The following CPNE8 variants were observed in gnomAD, a reference collection of about 807,000 sequenced individuals.
CPNE8 encodes copine-8.
Under a neutral mutation model 81.5 loss-of-function variants are expected in CPNE8, and 45 were observed. That is an observed-to-expected ratio of 0.55 (90% CI 0.44 to 0.71). The LOEUF is 0.71. Among genes scored for constraint, CPNE8 ranks in the 30% least tolerant of loss-of-function variants. The pLI is 0.00. For missense variants in CPNE8, 594 were observed against 672.1 expected (o/e 0.88, Z 1.28); for synonymous variants, 252 against 226.3 (o/e 1.11, Z -1.02).
chr12:38,881,449 T>C (rs2137122302), intron 1 of CPNE8, among the ~76,000 whole-genome samples: 1 of 152,274 alleles, frequency 6.6e-6, no homozygotes. Flanking sequence ...AAGAACTTTA[T>C]CATAAATGAC....
chr12:38,753,430 T>G (rs1223765536), intron 10 of CPNE8, among the ~76,000 whole-genome samples: 1 of 152,064 alleles, frequency 6.6e-6, no homozygotes. Context: ...CCAGCCTGGG[T>G]GACAGACAGA....
chr12:38,772,334 T>C (rs921671716), intron 7 of CPNE8, among the ~76,000 whole-genome samples: 14 of 152,162 alleles, frequency 9.2e-5, no homozygotes, highest in Non-Finnish European at 2.1e-4. Flanking sequence ...ACTAAGATAC[T>C]GTATACTATA....
rs546915958 is a variant in CPNE8, at chr12:38,680,319, A to T, written c.1272-2765T>A. On this transcript the variant is annotated intron_variant, in intron 16 of 19. Coordinates refer to ENST00000331366, the MANE Select transcript of CPNE8 (RefSeq NM_153634.3). Reference sequence around the variant, plus strand: ...GTTTTATTTAAGTAGTTCAATTATGATTTGCAAAATGGATTAAAACTTCTT... The same window carrying T: ...GTTTTATTTAAGTAGTTCAATTATGTTTTGCAAAATGGATTAAAACTTCTT... Among the ~76,000 whole-genome samples, 13 of 152,144 alleles carry T rather than the reference A, an allele frequency of 8.5e-5. 1 individual carries two copies. The South Asian group carries it at 2.5e-3, about 29-fold the overall frequency.
intron 4 of CPNE8, among the ~76,000 whole-genome samples, chr12:38,845,709 CTG>C (rs1032191921): frequency 2.6e-5 from 4 of 151,778 alleles, no homozygotes; most frequent in Non-Finnish European, 4.4e-5. Context: ...AATAATAAGC[CTG>C]TTCTTTCAGG....
chr12:38,866,600 A>G (rs1340609359), intron 3 of CPNE8, among the ~76,000 whole-genome samples: 8 of 152,202 alleles, frequency 5.3e-5, no homozygotes, highest in Admixed American at 4.6e-4. Context: ...CATGTTTTCA[A>G]TTGATGCTAT....
chr12:38,898,838 G>A (rs1009199267), intron 1 of CPNE8, among the ~76,000 whole-genome samples: 3 of 152,138 alleles, frequency 2.0e-5, no homozygotes, highest in African/African-American at 4.8e-5. Context: ...CTTTGCTTTC[G>A]CAGATGGTCA....
intron 8 of CPNE8, 64 bp from the exon 9 acceptor site, chr12:38,762,280 G>GTAGC (rs1314433810): frequency 1.2e-6 from 1 of 864,796 alleles, no homozygotes; most frequent in Admixed American, 2.4e-5. Context: ...TATTGTTTTA[G>GTAGC]TAGCCATTCC....
intron 3 of CPNE8, among the ~76,000 whole-genome samples, chr12:38,855,137 T>G (rs768406517): frequency 6.6e-6 from 1 of 151,684 alleles, no homozygotes; most frequent in Admixed American, 6.6e-5. Context: ...GAAAATCCCA[T>G]TCACAATAAC....
chr12:38,895,201 T>C (rs1944373259), intron 1 of CPNE8, among the ~76,000 whole-genome samples: 1 of 152,090 alleles, frequency 6.6e-6, no homozygotes, highest in Non-Finnish European at 1.5e-5. Context: ...GATATTAATA[T>C]CGAAGTAGTT....
intron 19 of CPNE8, among the ~76,000 whole-genome samples, chr12:38,656,734 G>GT (rs1311001444): frequency 6.6e-6 from 1 of 151,910 alleles, no homozygotes; most frequent in Non-Finnish European, 1.5e-5. Flanking sequence ...TTCTCAAACT[G>GT]TTTTTTAAAA....
chr12:38,659,799 T>C (rs1477175668), intron 19 of CPNE8, among the ~76,000 whole-genome samples: 1 of 152,066 alleles, frequency 6.6e-6, no homozygotes, highest in Non-Finnish European at 1.5e-5. Flanking sequence ...TGTGCAAAAA[T>C]CACAAGCATT....
intron 18 of CPNE8, chr12:38,671,018 T>C (rs1939162664): frequency 2.1e-6 from 1 of 478,712 alleles, no homozygotes; most frequent in Non-Finnish European, 3.7e-6. Context: ...CTTTTGTGAC[T>C]CTTTGAAAGG....
intron 6 of CPNE8, among the ~76,000 whole-genome samples, chr12:38,779,520 G>A (rs1454073945): frequency 6.6e-6 from 1 of 152,134 alleles, no homozygotes; most frequent in Non-Finnish European, 1.5e-5. Flanking sequence ...AGAAAAAAAT[G>A]TATCCTAATA....
At chr12:38,766,040 A>C (rs1941680280) in intron 8 of CPNE8, among the ~76,000 whole-genome samples, 1 of 152,032 alleles carries the variant, frequency 6.6e-6, no homozygotes, top group Non-Finnish European at 1.5e-5. Context: ...TTGTATTTTT[A>C]GTAGAGACAG....
intron 5 of CPNE8, among the ~76,000 whole-genome samples, chr12:38,832,212 G>C (rs568405903): frequency 6.6e-6 from 1 of 152,288 alleles, no homozygotes; most frequent in African/African-American, 2.4e-5. Flanking sequence ...AAAAACACCT[G>C]AGTGCTAGGT....
intron 10 of CPNE8, among the ~76,000 whole-genome samples, chr12:38,738,516 G>A (rs541397273): frequency 6.6e-6 from 1 of 151,956 alleles, no homozygotes; most frequent in Non-Finnish European, 1.5e-5. Flanking sequence ...TATAGATAAG[G>A]GATTGTTAGT....
intron 8 of CPNE8, among the ~76,000 whole-genome samples, chr12:38,766,741 G>A (rs1941697767): frequency 6.6e-6 from 1 of 150,860 alleles, no homozygotes; most frequent in Non-Finnish European, 1.5e-5. Context: ...GTTCTCTTTA[G>A]CTGATATATT....
intron 15 of CPNE8, among the ~76,000 whole-genome samples, chr12:38,688,665 G>A (rs1939598695): frequency 6.6e-6 from 1 of 151,820 alleles, no homozygotes; most frequent in Non-Finnish European, 1.5e-5. Flanking sequence ...TGGAATAATG[G>A]CATTCACGGC....
At chr12:38,714,468 T>C (rs866754397) in intron 13 of CPNE8, among the ~76,000 whole-genome samples, 1 of 152,026 alleles carries the variant, frequency 6.6e-6, no homozygotes, top group African/African-American at 2.4e-5. Flanking sequence ...TGATTAAAAA[T>C]GATGACACCA....
Sources: allele counts gnomAD v4.1 joint callset (sites outside exome capture counted in the v4.1 genomes callset), GRCh38; gene constraint gnomAD v4.1.1; transcripts MANE v1.5; gene names NCBI Gene and HGNC (gene_info 2026-07-23, HGNC 2026-07-21).